Variants in SCEL observed in about 807,000 individuals in gnomAD.
SCEL encodes sciellin.
Under a neutral mutation model 117.6 loss-of-function variants are expected in SCEL, and 113 were observed. That is an observed-to-expected ratio of 0.96 (90% CI 0.83 to 1.12). SCEL has a LOEUF of 1.12. SCEL is among the 50% of genes most tolerant of loss of function. The probability of loss-of-function intolerance (pLI) is 0.00; values close to 1 mark genes in which losing one functional copy is unlikely to be tolerated. For missense variants in SCEL, 785 were observed against 810.8 expected (o/e 0.97, Z 0.39); for synonymous variants, 270 against 256.2 (o/e 1.05, Z -0.51).
At chr13:77,553,518 A>G (rs1470564432) in intron 1 of SCEL, among the ~76,000 whole-genome samples, 1 of 152,206 alleles carries the variant, frequency 6.6e-6, no homozygotes, top group Non-Finnish European at 1.5e-5. Flanking sequence ...AGACAGAGGC[A>G]AAATAGTCAC....
intron 9 of SCEL, among the ~76,000 whole-genome samples, chr13:77,577,287 C>T (rs1366539637): frequency 6.6e-6 from 1 of 152,144 alleles, no homozygotes; most frequent in African/African-American, 2.4e-5. Flanking sequence ...TTAATTGACT[C>T]ACAGTTCCAC....
chr13:77,605,117 C>T (rs572766345), intron 19 of SCEL, among the ~76,000 whole-genome samples: 3 of 152,140 alleles, frequency 2.0e-5, no homozygotes, highest in Admixed American at 6.5e-5. Flanking sequence ...ATTTTTGAAA[C>T]TGAATTTGTT....
chr13:77,597,242 T>A, intron 12 of SCEL: 1 of 318,506 alleles, frequency 3.1e-6, no homozygotes, highest in Admixed American at 5.5e-5. Context: ...AGCATTAACA[T>A]GAGACCAGTG....
chr13:77,571,611 C>A (rs2085628493), intron 8 of SCEL, among the ~76,000 whole-genome samples: 1 of 151,624 alleles, frequency 6.6e-6, no homozygotes, highest in Non-Finnish European at 1.5e-5. Flanking sequence ...ACTGCTTGAA[C>A]CCGGGAGACG....
At chr13:77,621,139 C>T (rs1375536622) in intron 27 of SCEL, among the ~76,000 whole-genome samples, 1 of 152,162 alleles carries the variant, frequency 6.6e-6, no homozygotes, top group Non-Finnish European at 1.5e-5. Flanking sequence ...ATCTCCCCTT[C>T]TGCCCTTCAA....
chr13:77,544,064 A>G (rs949829904), intron 1 of SCEL, among the ~76,000 whole-genome samples: 2 of 152,236 alleles, frequency 1.3e-5, no homozygotes, highest in East Asian at 1.9e-4. Context: ...AGTTTCATTA[A>G]AGAACAAGTA....
At chr13:77,629,082 T>C (rs1421589670) in intron 28 of SCEL, among the ~76,000 whole-genome samples, 1 of 152,202 alleles carries the variant, frequency 6.6e-6, no homozygotes, top group African/African-American at 2.4e-5. Context: ...CCCATTTGAT[T>C]TGAGAAGCAT....
At chr13:77,627,027 G>A (rs1016721002) in intron 27 of SCEL, among the ~76,000 whole-genome samples, 1 of 151,998 alleles carries the variant, frequency 6.6e-6, no homozygotes, top group African/African-American at 2.4e-5. Context: ...TCATGAAAGG[G>A]TGTCAAATCA....
chr13:77,581,763 T>G (rs1409206935), intron 9 of SCEL, among the ~76,000 whole-genome samples: 2 of 152,188 alleles, frequency 1.3e-5, no homozygotes, highest in Admixed American at 1.3e-4. Flanking sequence ...AGATTGTAAA[T>G]TTCACCTCAA....
In SCEL at chr13:77,642,811, A is replaced by T; in HGVS notation, c.2050+3A>T. 6.5e-7 allele frequency: 1 copy of T among 1,527,658 alleles called. No individual in the cohort carries two copies. Among genetic ancestry groups the T allele is most frequent in the Non-Finnish European group, 9.0e-7 (1 of 1,109,908 alleles). 94.6% of individuals were successfully genotyped at this position (1,527,658 alleles called of 1,614,324 possible). On this transcript the variant is annotated splice_donor_region_variant and intron_variant, in intron 32 of 32. Coordinates refer to ENST00000349847, the MANE Select transcript of SCEL (RefSeq NM_144777.3). ...ACCTTGCTACTCTAAAATTATGGGTAAGTGTTACACTCTAAGCATTTAACA... is the reference window on the plus strand; with the variant it reads ...ACCTTGCTACTCTAAAATTATGGGTTAGTGTTACACTCTAAGCATTTAACA...
Position 77,589,998 on chromosome 13 carries a change from G to A in SCEL, c.626+774G>A, listed in dbSNP as rs777865021. On this transcript the variant is annotated intron_variant, in intron 10 of 32. Coordinates refer to ENST00000349847, the MANE Select transcript of SCEL (RefSeq NM_144777.3). ...TGAGATTAAAAAATAGTAACTCAAC[G>A]GAGATTGACTACATTACATCTCCTT... is the stretch of plus-strand genomic sequence containing the variant. 9.5e-4 allele frequency among the ~76,000 whole-genome samples: 145 copies of A among 152,008 alleles called. 3 individuals are homozygous for A. The highest frequency in any genetic ancestry group is 8.8e-4 in the Non-Finnish European group (60 of 67,964).
At position 77,607,951 on chromosome 13, in the gene SCEL, T is replaced by A. The variant is rs1183900270; in HGVS notation, c.1158-105T>A. On this transcript the variant is annotated intron_variant, in intron 19 of 32. Transcript: ENST00000349847. ...AACTCCTTGGCATGATCTCAATGAG[T>A]GTTTACACTGCTTCTGAGTTTTAAT... 2.2e-5 allele frequency: 18 copies of A among 812,146 alleles called. No individual in the cohort carries two copies. In the East Asian group the frequency reaches 4.5e-4, roughly 20 times the overall value. The allele number at this position is 812,146 out of a possible 1,614,324, so 50.3% of individuals were successfully genotyped here.
intron 9 of SCEL, among the ~76,000 whole-genome samples, chr13:77,588,519 A>G (rs1200517517): frequency 6.6e-6 from 1 of 152,176 alleles, no homozygotes; most frequent in African/African-American, 2.4e-5. Context: ...CAAAATGTGC[A>G]CATAATTGCC....
chr13:77,604,540 C>G (rs1455681847), intron 19 of SCEL, 125 bp downstream of exon 19: 1 of 659,632 alleles, frequency 1.5e-6, no homozygotes, highest in African/African-American at 1.9e-5. Flanking sequence ...TCTTTTTTCT[C>G]TAAACACTTC....
At chr13:77,550,413 T>G (rs200288653) in intron 1 of SCEL, among the ~76,000 whole-genome samples, 2 of 135,866 alleles carry the variant, frequency 1.5e-5, no homozygotes, top group African/African-American at 5.4e-5. Flanking sequence ...TATATATATA[T>G]TATATATATA....
At chr13:77,607,714 T>C (rs995934972) in intron 19 of SCEL, among the ~76,000 whole-genome samples, 2 of 152,200 alleles carry the variant, frequency 1.3e-5, no homozygotes, top group African/African-American at 2.4e-5. Context: ...AACAAGTATA[T>C]AGACTAAGTT....
chr13:77,555,435 G>A (rs749985323), intron 1 of SCEL, among the ~76,000 whole-genome samples: 10 of 152,150 alleles, frequency 6.6e-5, no homozygotes, highest in South Asian at 2.1e-4. Flanking sequence ...TTCTTTGGGC[G>A]TTCACAGTGT....
intron 30 of SCEL, among the ~76,000 whole-genome samples, chr13:77,637,396 ATATACATATATAAATAAAT>A (rs2090352070): frequency 8.6e-6 from 1 of 116,180 alleles, no homozygotes; most frequent in Admixed American, 1.2e-4. Context: ...ATATAAATAT[ATATACATATATAAATAAAT>A]ATATATATAT....
At chr13:77,610,685 A>G (rs1057394607) in intron 22 of SCEL, among the ~76,000 whole-genome samples, 2 of 152,038 alleles carry the variant, frequency 1.3e-5, no homozygotes, top group African/African-American at 4.8e-5. Context: ...ATGAGACAAA[A>G]CATCACCCCA....
Sources: allele counts gnomAD v4.1 joint callset (sites outside exome capture counted in the v4.1 genomes callset), GRCh38; gene constraint gnomAD v4.1.1; transcripts MANE v1.5; gene names NCBI Gene and HGNC (gene_info 2026-07-23, HGNC 2026-07-21).